MIA2: variants seen among roughly 807,000 people sequenced by gnomAD.
MIA2 encodes the protein MIA SH3 domain ER export factor 2, also known as melanoma inhibitory activity protein 2.
A neutral mutation model predicts 167.8 loss-of-function variants in MIA2; 127 were observed. The observed-to-expected ratio is 0.76, with a 90% CI of 0.66 to 0.88. The LOEUF (loss-of-function observed/expected upper bound fraction) is 0.88, where lower values mean the gene tolerates loss of function less well. Among genes scored for constraint, MIA2 ranks in the 40% least tolerant of loss-of-function variants. MIA2 has a pLI of 0.00. For missense variants in MIA2, 1,690 were observed against 1,624.7 expected (o/e 1.04, Z -0.69); for synonymous variants, 552 against 541.9 (o/e 1.02, Z -0.26).
chr14:39,294,869 G>A, intron 12 of MIA2, 56 bp from the exon 13 acceptor site: 1 of 1,156,232 alleles, frequency 8.6e-7, no homozygotes, highest in Non-Finnish European at 1.3e-6. Flanking sequence ...TATGTGTAAA[G>A]ATGAGCTATG....
At chr14:39,346,826 G>A (rs1032532759) in intron 26 of MIA2, 5 of 236,860 alleles carry the variant, frequency 2.1e-5, no homozygotes, top group African/African-American at 4.7e-5. Context: ...GGCTGGTCTT[G>A]AACTCCTGGG....
At chr14:39,317,868 TG>T in intron 21 of MIA2, 75 bp from the exon 22 acceptor site, 1 of 911,704 alleles carries the variant, frequency 1.1e-6, no homozygotes. Context: ...ATTTAATGAA[TG>T]TTTATATTGA....
Position 39,341,173 on chromosome 14 carries a change from G to A in MIA2, c.3656-4731G>A, listed in dbSNP as rs139665444. On this transcript the variant is annotated intron_variant, in intron 25 of 28. Transcript: ENST00000640607. ...AAAAATTAGCCGGGTGTGGTGGCAC[G>A]CGCCTGTAGTCCCAGCTGCTCGGGA... Among the ~76,000 whole-genome samples, 43 of 152,108 alleles carry A rather than the reference G, an allele frequency of 2.8e-4. No individual in the cohort carries two copies. In the East Asian group the frequency reaches 8.1e-3, roughly 29 times the overall value.
Position 39,284,187 on chromosome 14 carries a change from G to T in MIA2, c.2130+4650G>T, listed in dbSNP as rs79023470. ...TCTTCTAGGAGTTTTGTAGTTTCAG[G>T]TTTTATGTTTAGGTCTTTTATCCAC... On this transcript the variant is annotated intron_variant, in intron 9 of 28. Transcript: ENST00000640607. 8.9e-3 allele frequency among the ~76,000 whole-genome samples: 1,358 copies of T among 152,156 alleles called. 12 individuals carry two copies. The highest frequency in any genetic ancestry group is 0.03 in the African/African-American group (1,245 of 41,514).
chr14:39,316,524 C>T (rs1213305720), intron 21 of MIA2, among the ~76,000 whole-genome samples: 3 of 152,302 alleles, frequency 2.0e-5, no homozygotes, highest in Admixed American at 6.5e-5. Flanking sequence ...AAATGCCTGA[C>T]ACACAGTATA....
At chr14:39,365,485 CT>C (rs906545181) in intron 23 of MIA2, among the ~76,000 whole-genome samples, 1 of 151,706 alleles carries the variant, frequency 6.6e-6, no homozygotes. Flanking sequence ...ATTATTTTTT[CT>C]TTTTTTTGCA....
chr14:39,319,491 CTG>C (rs538159370), intron 23 of MIA2, among the ~76,000 whole-genome samples, 200 bp downstream of exon 23: 54 of 151,776 alleles, frequency 3.6e-4, no homozygotes, highest in African/African-American at 1.2e-3. Flanking sequence ...ATGAAAATTA[CTG>C]TTGCTTTTAT....
At chr14:39,326,432 C>T (rs1217813923) in intron 24 of MIA2, among the ~76,000 whole-genome samples, 1 of 151,962 alleles carries the variant, frequency 6.6e-6, no homozygotes. Flanking sequence ...TTACATGGCT[C>T]TTAAGTTAAA....
At chr14:39,350,881 A>G (rs1316212940), downstream of MIA2, 1 of 152,180 alleles carries the variant, frequency 6.6e-6, no homozygotes, top group East Asian at 1.9e-4. Context: ...TTTTAAAGAT[A>G]ACCAGGATAT....
intron 9 of MIA2, among the ~76,000 whole-genome samples, chr14:39,288,442 TA>T: frequency 1.0e-4 from 1 of 9,768 alleles, no homozygotes; most frequent in Non-Finnish European, 2.8e-4. Flanking sequence ...CATATATATA[TA>T]TATATATATA....
In MIA2 at chr14:39,276,945, A is replaced by C. The variant is rs894734283; in HGVS notation, c.1899A>C (p.Ala633=). 6.2e-7 allele frequency: 1 copy of C among 1,612,642 alleles called. No individual in the cohort carries two copies. The highest frequency in any genetic ancestry group is 1.3e-5 in the African/African-American group (1 of 74,916). ...IVILTERVVA[A]LPEGMRPDSN... ...TCTTTATCTTGAAGGTTGTGGCAGC[A>C]CTGCCTGAAGGTATGAGACCAGATT... Residue 633 remains alanine (A), a synonymous_variant, in exon 7 of 29, where the codon GCA becomes GCC. Coordinates refer to ENST00000640607, the MANE Select transcript of MIA2 (RefSeq NM_001329214.4).
intron 14 of MIA2, 61 bp downstream of exon 14, chr14:39,300,047 T>G: frequency 6.4e-7 from 1 of 1,554,716 alleles, no homozygotes; most frequent in Non-Finnish European, 8.6e-7. Context: ...AACTCTGAAA[T>G]TTGAAAGCTA....
At position 39,252,845 on chromosome 14, in the gene MIA2, A is replaced by C; in HGVS notation, c.1665A>C (p.Ser555=). The change falls in exon 5 of 29, where the codon TCA becomes TCC. Residue 555 remains serine, a synonymous_variant. Transcript: ENST00000640607. Reference sequence around the variant, plus strand: ...ATAGTGATGAAAATTCGAAACCATCAGTAGACACCGAAGGGCCTGCTCTGG... The same window carrying C: ...ATAGTGATGAAAATTCGAAACCATCCGTAGACACCGAAGGGCCTGCTCTGG... ...SKDSDENSKP[S]VDTEGPALVE... 1 of 1,614,042 alleles carries C rather than the reference A, an allele frequency of 6.2e-7. No homozygotes were observed. Among genetic ancestry groups the C allele is most frequent in the Non-Finnish European group, 8.5e-7 (1 of 1,179,924 alleles).
chr14:39,374,626 A>C (rs939950591), intron 23 of MIA2, among the ~76,000 whole-genome samples: 2 of 152,232 alleles, frequency 1.3e-5, no homozygotes, highest in Non-Finnish European at 2.9e-5. Context: ...GTGTGTGTTC[A>C]TCCCAAGAGA....
intron 23 of MIA2, among the ~76,000 whole-genome samples, chr14:39,372,221 C>T (rs2074962335): frequency 1.3e-5 from 2 of 152,000 alleles, no homozygotes; most frequent in Admixed American, 6.5e-5. Flanking sequence ...TAAGCTTATT[C>T]CTCTTTTCCT....
At chr14:39,294,564 T>C (rs1158584795) in intron 12 of MIA2, among the ~76,000 whole-genome samples, 2 of 152,152 alleles carry the variant, frequency 1.3e-5, no homozygotes, top group Non-Finnish European at 2.9e-5. Context: ...CAAGTGTTTA[T>C]TGAGCTATTA....
exon 24 of MIA2, chr14:39,387,535 GT>G (rs2075288687): frequency 6.6e-6 from 1 of 152,284 alleles, no homozygotes; most frequent in Admixed American, 6.5e-5. Flanking sequence ...TAAAAAAAGT[GT>G]GTTTTTGAGA....
At chr14:39,263,672 C>T (rs1477974472) in intron 6 of MIA2, among the ~76,000 whole-genome samples, 2 of 143,524 alleles carry the variant, frequency 1.4e-5, no homozygotes, top group African/African-American at 5.2e-5. Flanking sequence ...CACTCAGTCA[C>T]CGAGGCTGGA....
chr14:39,298,413 T>TTA (rs71130838), intron 13 of MIA2, among the ~76,000 whole-genome samples: 1,274 of 26,064 alleles, frequency 0.049, 72 homozygotes, highest in South Asian at 0.085. Flanking sequence ...TGATTCTGTT[T>TTA]TATATATATA....
Sources: allele counts gnomAD v4.1 joint callset (sites outside exome capture counted in the v4.1 genomes callset), GRCh38; gene constraint gnomAD v4.1.1; transcripts MANE v1.5; gene names NCBI Gene and HGNC (gene_info 2026-07-23, HGNC 2026-07-21).